Variants in CDAN1 observed in about 807,000 individuals in gnomAD.
The protein encoded by CDAN1 is codanin-1.
In CDAN1, 107 loss-of-function variants were observed where a neutral mutation model predicts 139.8. The observed-to-expected ratio is 0.77, with a 90% CI of 0.65 to 0.90. CDAN1 has a LOEUF of 0.90. Among genes scored for constraint, CDAN1 ranks in the 40% least tolerant of loss-of-function variants. The pLI, the probability that CDAN1 is intolerant of heterozygous loss-of-function variation, is 0.00. For missense variants in CDAN1, 1,667 were observed against 1,575.7 expected, an observed-to-expected ratio of 1.06 and a Z score of -0.98; for synonymous variants, 776 against 660.6, an observed-to-expected ratio of 1.17 and a Z score of -2.68.
intron 14 of CDAN1, 134 bp from the exon 15 acceptor site, chr15:42,730,349 C>T: frequency 1.1e-6 from 1 of 933,680 alleles, no homozygotes; most frequent in Non-Finnish European, 1.7e-6. Flanking sequence ...CAGGATCCCC[C>T]CAGCCCCGCC....
At position 42,733,105 on chromosome 15, in the gene CDAN1, G is replaced by A; in HGVS notation, c.1449C>T (p.Ser483=). The part of the protein sequence containing the change: ...PGWDFEKGLG[S]RIRAMMGQLS... ...AAGGTCTGAGCACCCACCTGATTCT[G>A]CTGCCCAAGCCCTTCTCAAAATCCC... Residue 483 remains serine, a synonymous_variant, in exon 9 of 28, where the codon AGC becomes AGT. Transcript: ENST00000356231. The A allele has an allele frequency of 6.2e-7, 1 of 1,613,866 alleles. No individual in the cohort carries two copies. Among genetic ancestry groups the A allele is most frequent in the Non-Finnish European group, 8.5e-7 (1 of 1,179,882 alleles).
chr15:42,735,862 G>T lies in CDAN1; in HGVS notation c.773+13C>A, dbSNP rs2061680406. On this transcript the variant is annotated intron_variant, in intron 3 of 27. Coordinates refer to ENST00000356231, the MANE Select transcript of CDAN1 (RefSeq NM_138477.4). Reference sequence around the variant, plus strand: ...CGAGGAAACCGATATCCCCAGGAGCGGCCAGGCCATACCGCTCCTTCCTGA... The same window carrying T: ...CGAGGAAACCGATATCCCCAGGAGCTGCCAGGCCATACCGCTCCTTCCTGA... 1 of 1,613,738 alleles carries T rather than the reference G, an allele frequency of 6.2e-7. No individual in the cohort carries two copies. Among genetic ancestry groups the T allele is most frequent in the Admixed American group, 1.7e-5 (1 of 59,998 alleles).
At chr15:42,725,398 A>C in intron 26 of CDAN1, 91 bp downstream of exon 26, 1 of 1,542,298 alleles carries the variant, frequency 6.5e-7, no homozygotes, top group Non-Finnish European at 9.0e-7. Flanking sequence ...GGAAGGGGAA[A>C]TAAAGGATGC....
chr15:42,724,472 G>T lies in CDAN1; in HGVS notation c.*19C>A. 6.4e-7 allele frequency: 1 copy of T among 1,574,732 alleles called. No homozygotes were observed. On this transcript the variant is annotated 3_prime_UTR_variant, in exon 28 of 28. Transcript: ENST00000356231. ...CCAGGGTTCTGGTGCAATGCCCAAG[G>T]CAGGGCCACTTCTCAGCCCTAGCTC...
Position 42,733,988 on chromosome 15 carries a change from A to G in CDAN1, c.1317T>C (p.Asn439=), listed in dbSNP as rs1291095842. The change falls in exon 8 of 28, where the codon AAT becomes AAC. Residue 439 remains asparagine, a synonymous_variant. Transcript: ENST00000356231. ...CTCGGTCACTGGAGAAGTTGGCACG[A>G]TTGTCAGTCTCTGGCTGAAAGGAGA... The part of the protein sequence containing the change: ...QAVSFQPETD[N]RANFSSDRAF... 4 of 1,614,178 alleles carry G rather than the reference A, an allele frequency of 2.5e-6. No homozygotes were observed. Among genetic ancestry groups the G allele is most frequent in the Non-Finnish European group, 3.4e-6 (4 of 1,180,020 alleles).
chr15:42,732,462 G>A, intron 9 of CDAN1, 54 bp from the exon 10 acceptor site: 1 of 1,534,244 alleles, frequency 6.5e-7, no homozygotes, highest in Non-Finnish European at 9.0e-7. Context: ...GAGGGAGAAA[G>A]ATCTGAGAGA....
rs747210001 is a variant in CDAN1, at chr15:42,731,314, T to C, written c.1757A>G (p.His586Arg). Residue 586 changes from histidine (H) to arginine (R), a missense_variant, in exon 12 of 28, where the codon CAT becomes CGT. Around this residue, in one of 3 missense-constraint regions of CDAN1, gnomAD observed 936 missense variants for 844.1 expected, o/e 1.11. Coordinates refer to ENST00000356231, the MANE Select transcript of CDAN1 (RefSeq NM_138477.4). The part of the protein sequence containing the change: ...LSASSFQFNQ[H>R]LMDSLSLKIQ... ...CTTCAAGCTCAGACTGTCCATGAGA[T>C]GCTGGTTAAACTGGAAGCTGAGAAG... 5.6e-6 allele frequency: 9 copies of C among 1,614,046 alleles called. No individual in the cohort carries two copies. In the South Asian group the frequency reaches 8.8e-5, roughly 16 times the overall value.
At chr15:42,729,653 G>A in intron 16 of CDAN1, 31 bp from the exon 17 acceptor site, 1 of 1,612,610 alleles carries the variant, frequency 6.2e-7, no homozygotes, top group East Asian at 2.2e-5. Flanking sequence ...TCAGCAGACT[G>A]CCCCTCCCCC....
intron 9 of CDAN1, 150 bp downstream of exon 9, chr15:42,732,947 T>C: frequency 1.4e-6 from 1 of 715,754 alleles, no homozygotes; most frequent in South Asian, 1.5e-5. Context: ...GGCAGAGTTA[T>C]CAATAACTAA....
rs758940751 is a variant in CDAN1, at chr15:42,726,400, G to T, written c.3114C>A (p.Ala1038=). Residue 1038 remains alanine, a synonymous_variant, in exon 24 of 28, where the codon GCC becomes GCA. Transcript: ENST00000356231. ...CCTCGTCAGGGTCCCGTGGCCCCAC[G>T]GCCAAGGAGAGCACGTCCTGTGAAG... is the stretch of plus-strand genomic sequence containing the variant. ...ISEIKDVLSL[A]VGPRDPDEGV... 9 of 1,595,986 alleles carry T rather than the reference G, an allele frequency of 5.6e-6. No individual in the cohort carries two copies. The highest frequency in any genetic ancestry group is 1.3e-5 in the African/African-American group (1 of 74,720).
chr15:42,725,723 T>G (rs927166556), intron 25 of CDAN1, 53 bp from the exon 26 acceptor site: 3 of 1,577,338 alleles, frequency 1.9e-6, no homozygotes, highest in Non-Finnish European at 2.6e-6. Flanking sequence ...CCGGGTGCGG[T>G]GACTCACACC....
Position 42,728,200 on chromosome 15 carries a change from G to A in CDAN1, c.2868+4C>T, listed in dbSNP as rs749746339. On this transcript the variant is annotated splice_donor_region_variant and intron_variant, in intron 21 of 27. Transcript: ENST00000356231. ...TGCTAGCTGCAGGCCTCCCTCACAC[G>A]TACGGCTGCCGGGGTCTCCTCTGGA... The A allele has an allele frequency of 2.5e-5, 41 of 1,613,348 alleles. No individual in the cohort carries two copies. Among genetic ancestry groups the A allele is most frequent in the Middle Eastern group, 1.7e-4 (1 of 6,048 alleles).
chr15:42,726,138 T>G lies in CDAN1; in HGVS notation c.3227A>C (p.Gln1076Pro), dbSNP rs772408802. ...CTCCACAGAGCACTTTGCCAGATGCTGCTCAGCAGGTGGGCACAGGAACTG... is the reference window on the plus strand; with the variant it reads ...CTCCACAGAGCACTTTGCCAGATGCGGCTCAGCAGGTGGGCACAGGAACTG... ...CRQFLCPPAE[Q>P]HLAKCSVELA... The change falls in exon 25 of 28, where the codon CAG becomes CCG. Residue 1076 changes from glutamine (Q) to proline (P), a missense_variant. Physicochemically the swap from Gln to Pro is moderately conservative, Grantham distance 76. Coordinates refer to ENST00000356231, the MANE Select transcript of CDAN1 (RefSeq NM_138477.4). 1 of 1,614,100 alleles carries G rather than the reference T, an allele frequency of 6.2e-7. No homozygotes were observed. Among genetic ancestry groups the G allele is most frequent in the Non-Finnish European group, 8.5e-7 (1 of 1,179,994 alleles).
At position 42,731,206 on chromosome 15, in the gene CDAN1, C is replaced by T. The variant is rs113313967; in HGVS notation, c.1860+5G>A. 1.6e-4 allele frequency: 252 copies of T among 1,614,176 alleles called. 1 individual carries two copies. The African/African-American group carries it at 2.2e-3, about 14-fold the overall frequency. On this transcript the variant is annotated splice_donor_5th_base_variant and intron_variant, in intron 12 of 27. Transcript: ENST00000356231. ...CCCATTATTTCCCTTGTTCTGTTTT[C>T]GGACCTGCCAGTCTACGTCTGACTC... is the stretch of plus-strand genomic sequence containing the variant.
At position 42,730,762 on chromosome 15, in the gene CDAN1, G is replaced by A; in HGVS notation, c.2010C>T (p.Val670=). 6 of 1,612,250 alleles carry A rather than the reference G, an allele frequency of 3.7e-6. No individual in the cohort carries two copies. The highest frequency in any genetic ancestry group is 5.1e-6 in the Non-Finnish European group (6 of 1,179,138). Residue 670 remains valine (V), a splice_region_variant and synonymous_variant, in exon 14 of 28, where the codon GTC becomes GTT. Transcript: ENST00000356231. ...GAGTCCGCACATCCAGGACCGGAGG[G>A]ACCTGGGAGGGCCAGAGCTCAGTCA... ...QDSILALRSQ[V]PPVLDVRTLL... is the part of the protein sequence containing the mutation.
In CDAN1 at chr15:42,724,588, G is replaced by C; in HGVS notation, c.3587C>G (p.Ser1196Cys). The C allele has an allele frequency of 1.3e-6, 2 of 1,552,316 alleles. No homozygotes were observed. The highest frequency in any genetic ancestry group is 1.7e-6 in the Non-Finnish European group (2 of 1,147,164). The stretch of plus-strand genomic sequence containing the variant: ...GTGGGGCTCGGCTAGAAACAGATTA[G>C]ACAGTGTTGCTAATTCTTCAGCAAA... ...GDFAEELATL[S>C]NLFLAEPHLP... Residue 1196 changes from serine to cysteine, a missense_variant, in exon 28 of 28, where the codon TCT becomes TGT. By Grantham distance (112) the Ser-to-Cys change is moderately radical. Coordinates refer to ENST00000356231, the MANE Select transcript of CDAN1 (RefSeq NM_138477.4).
intron 8 of CDAN1, 79 bp downstream of exon 8, chr15:42,733,859 T>C: frequency 8.9e-7 from 1 of 1,126,454 alleles, no homozygotes; most frequent in South Asian, 1.3e-5. Context: ...AAACTCCTAA[T>C]TTCTATGAAA....
At position 42,736,051 on chromosome 15, in the gene CDAN1, T is replaced by G; in HGVS notation, c.597A>C (p.Pro199=). ...TGTKPSRRIN[P]TPVSEERSLS... ...GTGACCGCTCTTCGCTCACCGGAGT[T>G]GGGTTGATCCTGCGAGAAGGCTTCG... The change falls in exon 3 of 28, where the codon CCA becomes CCC. Residue 199 remains proline (P), a synonymous_variant. Transcript: ENST00000356231. 1 of 1,614,102 alleles carries G rather than the reference T, an allele frequency of 6.2e-7. No individual in the cohort carries two copies. The highest frequency in any genetic ancestry group is 8.5e-7 in the Non-Finnish European group (1 of 1,180,004).
chr15:42,735,931 G>A lies in CDAN1; in HGVS notation c.717C>T (p.Gly239=). The change falls in exon 3 of 28, where the codon GGC becomes GGT. Residue 239 remains glycine (G), a synonymous_variant. Transcript: ENST00000356231. ...GCAGACTTCTGCACCCTGGGGGAAG[G>A]CCAAGGCCCCAAGGGCTAGTGTCCA... ...SALDTSPWGL[G]LPPGCRSLQE... The A allele has an allele frequency of 1.2e-6, 2 of 1,614,182 alleles. No individual in the cohort carries two copies. The highest frequency in any genetic ancestry group is 1.3e-5 in the African/African-American group (1 of 75,046).
Sources: gnomAD v4.1 joint callset for allele counts on GRCh38, gnomAD v4.1.1 for gene constraint, gnomAD v4.1.1 regional missense constraint, MANE v1.5 for transcripts, NCBI Gene and HGNC (gene_info 2026-07-23, HGNC 2026-07-21) for gene names.